The following EEFSEC variants were observed in gnomAD, a reference collection of about 807,000 sequenced individuals.
EEFSEC encodes the protein eukaryotic elongation factor, selenocysteine-tRNA specific.
In EEFSEC, 43 loss-of-function variants were observed where a neutral mutation model predicts 42.1. That is an observed-to-expected ratio of 1.02 (90% CI 0.80 to 1.32). The LOEUF (loss-of-function observed/expected upper bound fraction) is 1.32, where lower values mean the gene tolerates loss of function less well. EEFSEC is among the 40% of genes most tolerant of loss of function. The pLI is 0.00. For synonymous variants in EEFSEC, 354 were observed against 339.1 expected (o/e 1.04, Z -0.48); for missense variants, 745 against 803.6 (o/e 0.93, Z 0.88).
Position 128,227,546 on chromosome 3 carries a change from G to T in EEFSEC, c.317-19290G>T, listed in dbSNP as rs1247796976. 3.9e-4 allele frequency among the ~76,000 whole-genome samples: 60 copies of T among 152,278 alleles called. 1 individual carries two copies. Among genetic ancestry groups the T allele is most frequent in the Admixed American group, 3.9e-3 (60 of 15,298 alleles). The stretch of plus-strand genomic sequence containing the variant: ...TGCTTCAGAGGAGGGGCTCTCTGTG[G>T]CTTGGGGACCCATTTCTACAAGGGT... On this transcript the variant is annotated intron_variant, in intron 1 of 6. Coordinates refer to ENST00000254730, the MANE Select transcript of EEFSEC (RefSeq NM_021937.5).
At chr3:128,268,017 C>T (rs1576593586) in intron 4 of EEFSEC, among the ~76,000 whole-genome samples, 1 of 152,340 alleles carries the variant, frequency 6.6e-6, no homozygotes, top group East Asian at 1.9e-4. Context: ...GCTACAAACA[C>T]ATGTTATCCT....
intron 4 of EEFSEC, among the ~76,000 whole-genome samples, chr3:128,279,461 C>A (rs542678199): frequency 9.2e-5 from 14 of 152,300 alleles, no homozygotes; most frequent in Non-Finnish European, 1.6e-4. Flanking sequence ...TTATCCCTGG[C>A]GGAGAACCAG....
At chr3:128,354,722 C>G (rs2067430962) in intron 5 of EEFSEC, among the ~76,000 whole-genome samples, 1 of 152,222 alleles carries the variant, frequency 6.6e-6, no homozygotes, top group Admixed American at 6.5e-5. Flanking sequence ...AGATCCTCTG[C>G]TGTCTTTGTG....
chr3:128,418,904 C>T, the EEFSEC span, among the ~76,000 whole-genome samples: 1 of 152,176 alleles, frequency 6.6e-6, no homozygotes, highest in Non-Finnish European at 1.5e-5. Flanking sequence ...CTCTCTGGGC[C>T]CCTCTGTGCC....
rs555943959 is a variant in EEFSEC at position 128,235,255 on chromosome 3, G to C, written c.317-11581G>C. On this transcript the variant is annotated intron_variant, in intron 1 of 6. Coordinates refer to ENST00000254730, the MANE Select transcript of EEFSEC (RefSeq NM_021937.5). ...AATTTTTGTATTTTTTTTTTGTAGA[G>C]ATGGGGTCTCTCCATGTTGCCCAGG... is the stretch of plus-strand genomic sequence containing the variant. Among the ~76,000 whole-genome samples the C allele has an allele frequency of 4.5e-4, 68 of 150,390 alleles. No homozygotes were observed. In the Middle Eastern group the frequency reaches 0.01, roughly 23 times the overall value.
chr3:128,339,977 A>G (rs1357607204), intron 4 of EEFSEC, among the ~76,000 whole-genome samples: 1 of 152,108 alleles, frequency 6.6e-6, no homozygotes, highest in Non-Finnish European at 1.5e-5. Flanking sequence ...CTACAATTCA[A>G]TTATCTCCCA....
chr3:128,256,188 C>T (rs1434438443), intron 2 of EEFSEC, among the ~76,000 whole-genome samples: 1 of 152,134 alleles, frequency 6.6e-6, no homozygotes, highest in Non-Finnish European at 1.5e-5. Flanking sequence ...ACTGTTGTGT[C>T]TTAAAGATTT....
intron 1 of EEFSEC, among the ~76,000 whole-genome samples, chr3:128,195,003 G>A (rs2065569017): frequency 6.6e-6 from 1 of 152,118 alleles, no homozygotes; most frequent in South Asian, 2.1e-4. Flanking sequence ...CCTCCTTCTT[G>A]GAGCTGGTCA....
intron 1 of EEFSEC, among the ~76,000 whole-genome samples, chr3:128,205,865 T>G (rs1235702927): frequency 6.6e-6 from 1 of 152,228 alleles, no homozygotes; most frequent in Non-Finnish European, 1.5e-5. Flanking sequence ...AATTCTTTAG[T>G]GCATTACAAT....
intron 6 of EEFSEC, among the ~76,000 whole-genome samples, chr3:128,372,302 G>A (rs1182158491): frequency 6.6e-6 from 1 of 152,132 alleles, no homozygotes; most frequent in African/African-American, 2.4e-5. Context: ...ATGTTCTATC[G>A]TGGATGATCT....
At chr3:128,399,605 C>T (rs1171179294) in intron 6 of EEFSEC, among the ~76,000 whole-genome samples, 2 of 152,056 alleles carry the variant, frequency 1.3e-5, no homozygotes, top group Non-Finnish European at 2.9e-5. Context: ...CCCCAGCCAG[C>T]GACGTTAAAG....
intron 1 of EEFSEC, among the ~76,000 whole-genome samples, chr3:128,211,609 T>C (rs922796018): frequency 3.3e-5 from 5 of 149,994 alleles, no homozygotes; most frequent in African/African-American, 7.4e-5. Flanking sequence ...TCTGCCTCCC[T>C]GGTTCAAGTG....
At chr3:128,257,717 G>A (rs2066254871) in intron 2 of EEFSEC, among the ~76,000 whole-genome samples, 1 of 152,210 alleles carries the variant, frequency 6.6e-6, no homozygotes, top group Non-Finnish European at 1.5e-5. Flanking sequence ...TGTTGTTACA[G>A]TGAAGCTTAT....
intron 1 of EEFSEC, among the ~76,000 whole-genome samples, chr3:128,195,586 G>T (rs914364415): frequency 4.6e-5 from 7 of 152,164 alleles, no homozygotes; most frequent in African/African-American, 1.7e-4. Context: ...GGGAATCCAG[G>T]CTCTGCGAAC....
chr3:128,263,184 C>T (rs2066317031), intron 3 of EEFSEC, among the ~76,000 whole-genome samples: 1 of 152,200 alleles, frequency 6.6e-6, no homozygotes, highest in African/African-American at 2.4e-5. Flanking sequence ...CATTGACATT[C>T]ACAAAAACTC....
chr3:128,206,764 C>G (rs2065701199), intron 1 of EEFSEC, among the ~76,000 whole-genome samples: 1 of 152,220 alleles, frequency 6.6e-6, no homozygotes, highest in Non-Finnish European at 1.5e-5. Context: ...TCCTCTCTGT[C>G]TAACAGATGA....
In EEFSEC at chr3:128,231,522, G is replaced by A. The variant is rs148164811; in HGVS notation, c.317-15314G>A. Among the ~76,000 whole-genome samples, 192 of 152,294 alleles carry A rather than the reference G, an allele frequency of 1.3e-3. 1 individual carries two copies. Among genetic ancestry groups the A allele is most frequent in the African/African-American group, 4.5e-3 (187 of 41,558 alleles). On this transcript the variant is annotated intron_variant, in intron 1 of 6. Coordinates refer to ENST00000254730, the MANE Select transcript of EEFSEC (RefSeq NM_021937.5). ...GTTAGTAATGGTTTCATCTCCATAT[G>A]ATAGATGAAGAAACAGGCCTGGAAA... is the stretch of plus-strand genomic sequence containing the variant.
chr3:128,230,799 TC>T (rs1181914731), intron 1 of EEFSEC, among the ~76,000 whole-genome samples: 1 of 152,080 alleles, frequency 6.6e-6, no homozygotes, highest in East Asian at 1.9e-4. Flanking sequence ...TCTGTCTGTC[TC>T]CCCACACACC....
At chr3:128,349,460 C>A (rs760909261) in intron 5 of EEFSEC, among the ~76,000 whole-genome samples, 1 of 152,210 alleles carries the variant, frequency 6.6e-6, no homozygotes, top group Non-Finnish European at 1.5e-5. Context: ...GGCTTCTCCA[C>A]TAGTAACAAA....
Sources: gnomAD v4.1 joint callset for allele counts (sites outside exome capture counted in the v4.1 genomes callset) on GRCh38, gnomAD v4.1.1 for gene constraint, MANE v1.5 for transcripts, NCBI Gene and HGNC (gene_info 2026-07-23, HGNC 2026-07-21) for gene names.